The following ZNF723 variants were observed in gnomAD, a reference collection of about 807,000 sequenced individuals.
The protein encoded by ZNF723 is zinc finger protein 723, pseudogene.
ZNF723 carries 5 observed loss-of-function variants against 9.4 expected under a neutral mutation model. The ratio of observed to expected loss-of-function variants is 0.53; its 90% confidence interval spans 0.28 to 1.12. ZNF723 has a LOEUF of 1.12. Ranked by LOEUF, ZNF723 falls within the 50% of genes most tolerant of loss-of-function variation. The pLI is 0.10. For missense variants in ZNF723, 450 were observed against 501.5 expected, an observed-to-expected ratio of 0.90 and a Z score of 0.98; for synonymous variants, 158 against 168.8, an observed-to-expected ratio of 0.94 and a Z score of 0.49.
chr19:22,822,143 G>C, the ZNF723 span, among the ~76,000 whole-genome samples: 2 of 152,302 alleles, frequency 1.3e-5, no homozygotes, highest in Non-Finnish European at 2.9e-5. Flanking sequence ...GAAATACTTT[G>C]TGTGCTACAG....
intron 1 of ZNF723, among the ~76,000 whole-genome samples, chr19:22,839,576 C>T (rs895582760): frequency 5.3e-5 from 8 of 150,950 alleles, no homozygotes; most frequent in Non-Finnish European, 1.0e-4. Context: ...CAGGTTCAAG[C>T]GATTCTCATG....
intron 3 of ZNF723, among the ~76,000 whole-genome samples, chr19:22,854,473 T>A (rs1049382206): frequency 1.3e-5 from 2 of 152,196 alleles, no homozygotes; most frequent in Non-Finnish European, 2.9e-5. Flanking sequence ...AAAATATGTC[T>A]CTTGATTGGA....
At chr19:22,829,037 G>A (rs1967065757), upstream of ZNF723, among the ~76,000 whole-genome samples, 1 of 151,994 alleles carries the variant, frequency 6.6e-6, no homozygotes. Context: ...GCCAGGCATG[G>A]TGGCAGGCAC....
intron 2 of ZNF723, 92 bp downstream of exon 2, chr19:22,848,479 T>A (rs1967345605): frequency 1.0e-6 from 1 of 989,634 alleles, no homozygotes. Context: ...ATGCTTTGCA[T>A]AAATGAGTTT....
chr19:22,839,466 GTTT>G lies in ZNF723; in HGVS notation c.3+7100_3+7102del, dbSNP rs34691832. On this transcript the variant is annotated intron_variant, in intron 1 of 3. Transcript: ENST00000600766. ...AACCTTGCCAGCATGTTTTTTTTTG[GTTT>G]TTTTTTTTTTTTTTTGAGACAGAGT... is the stretch of plus-strand genomic sequence containing the variant. Among the ~76,000 whole-genome samples the G allele has an allele frequency of 9.9e-4, 123 of 124,534 alleles. 1 individual carries two copies. The Middle Eastern group carries it at 0.034, about 34-fold the overall frequency. 81.7% of individuals were successfully genotyped at this position (124,534 alleles called of 152,430 possible).
intron 1 of ZNF723, among the ~76,000 whole-genome samples, chr19:22,833,350 A>G (rs1245375702): frequency 6.6e-6 from 1 of 151,794 alleles, no homozygotes; most frequent in Non-Finnish European, 1.5e-5. Flanking sequence ...ACGGGGTTTC[A>G]CCATGTTGGC....
At chr19:22,832,502 C>G (rs1198305900) in intron 1 of ZNF723, 120 bp downstream of exon 1, 58 of 1,114,240 alleles carry the variant, frequency 5.2e-5, no homozygotes, top group Non-Finnish European at 7.3e-5. Flanking sequence ...GCTCGGAGTT[C>G]TAGCCTGGCC....
At chr19:22,854,314 T>C (rs1308404115) in intron 3 of ZNF723, among the ~76,000 whole-genome samples, 1 of 152,106 alleles carries the variant, frequency 6.6e-6, no homozygotes, top group Non-Finnish European at 1.5e-5. Flanking sequence ...TTTGATCTCT[T>C]CTTCTCTCAT....
intron 3 of ZNF723, among the ~76,000 whole-genome samples, chr19:22,851,580 A>G (rs1222948590): frequency 2.6e-5 from 4 of 152,026 alleles, no homozygotes; most frequent in Admixed American, 2.0e-4. Context: ...TGCTCAGACT[A>G]ATCTTGAACT....
At chr19:22,848,776 A>ATTT (rs1568406869) in intron 2 of ZNF723, among the ~76,000 whole-genome samples, 29 of 145,540 alleles carry the variant, frequency 2.0e-4, no homozygotes, top group African/African-American at 6.6e-4. Flanking sequence ...TTTATTTATG[A>ATTT]GATGGAATGT....
At position 22,849,895 on chromosome 19, in the gene ZNF723, G is replaced by A. The variant is rs564841898; in HGVS notation, c.226+602G>A. On this transcript the variant is annotated intron_variant, in intron 3 of 3. Transcript: ENST00000600766. ...TTGCACTCCAGCTTGTGTGAGAAGA[G>A]TGAAAGTCCATCTCAAAAGTAAAAA... is the stretch of plus-strand genomic sequence containing the variant. Among the ~76,000 whole-genome samples, 4 of 152,178 alleles carry A rather than the reference G, an allele frequency of 2.6e-5. No individual in the cohort carries two copies. The South Asian group carries it at 8.3e-4, about 32-fold the overall frequency.
Position 22,857,668 on chromosome 19 carries a change from T to C in ZNF723, c.777T>C (p.Cys259=), listed in dbSNP as rs1376657437. 1.1e-5 allele frequency: 14 copies of C among 1,274,396 alleles called. No homozygotes were observed. The highest frequency in any genetic ancestry group is 1.6e-5 in the Non-Finnish European group (14 of 871,070). The allele number at this position is 1,274,396 out of a possible 1,614,324, so 78.9% of individuals were successfully genotyped here. ...RIHTGEKPYK[C]EECGKTFNMF... ...ATACTGGAGAGAAACCCTACAAATG[T>C]GAAGAATGTGGCAAAACCTTTAATA... The change falls in exon 4 of 4, where the codon TGT becomes TGC. Residue 259 remains cysteine, a synonymous_variant. Transcript: ENST00000600766.
intron 1 of ZNF723, among the ~76,000 whole-genome samples, chr19:22,842,979 G>T (rs1254349634): frequency 6.6e-6 from 1 of 152,172 alleles, no homozygotes; most frequent in East Asian, 1.9e-4. Flanking sequence ...AGGGCCACCA[G>T]GTATAAATAG....
chr19:22,832,190 CG>C, upstream of ZNF723: 1 of 540,408 alleles, frequency 1.9e-6, no homozygotes, highest in South Asian at 2.3e-5. Flanking sequence ...CCTGAATGGG[CG>C]GGGCCTTAAA....
At chr19:22,840,782 T>A (rs2145213056) in intron 1 of ZNF723, 1 of 152,292 alleles carries the variant, frequency 6.6e-6, no homozygotes, top group Non-Finnish European at 1.5e-5. Context: ...CTATCCGGAC[T>A]CATGCTGGAA....
the ZNF723 span, among the ~76,000 whole-genome samples, chr19:22,825,865 T>C: frequency 6.6e-6 from 1 of 152,250 alleles, no homozygotes; most frequent in South Asian, 2.1e-4. Flanking sequence ...TATTGTGACA[T>C]GTAAGTGGAC....
Position 22,834,569 on chromosome 19 carries a change from C to T in ZNF723, c.3+2187C>T, listed in dbSNP as rs144026358. Among the ~76,000 whole-genome samples the T allele has an allele frequency of 5.4e-3, 825 of 152,162 alleles. 9 individuals carry two copies. Among genetic ancestry groups the T allele is most frequent in the African/African-American group, 0.019 (771 of 41,502 alleles). On this transcript the variant is annotated intron_variant, in intron 1 of 3. Transcript: ENST00000600766. The stretch of plus-strand genomic sequence containing the variant: ...TCTGCTACAGTGTCTAGGTAATATC[C>T]GCTCCTGGGTCGTTTTCTGCCATAG...
chr19:22,824,032 T>C, the ZNF723 span, among the ~76,000 whole-genome samples: 3 of 152,244 alleles, frequency 2.0e-5, no homozygotes, highest in Non-Finnish European at 4.4e-5. Context: ...CTAGGTAATT[T>C]GAGTCTTCTC....
the ZNF723 span, among the ~76,000 whole-genome samples, chr19:22,824,935 A>C: frequency 6.6e-6 from 1 of 152,350 alleles, no homozygotes; most frequent in East Asian, 1.9e-4. Flanking sequence ...ATCATGGGTC[A>C]TAACAGCACA....
Sources: gnomAD v4.1 joint callset for allele counts (sites outside exome capture counted in the v4.1 genomes callset) on GRCh38, gnomAD v4.1.1 for gene constraint, MANE v1.5 for transcripts, NCBI Gene and HGNC (gene_info 2026-07-23, HGNC 2026-07-21) for gene names.